Variants in ZNF470 observed in about 807,000 individuals in gnomAD.
ZNF470 encodes zinc finger protein 470, also known as chondrogenesis zinc finger protein 1.
In ZNF470, 13 loss-of-function variants were observed where a neutral mutation model predicts 13.9. The observed-to-expected ratio is 0.94, with a 90% CI of 0.61 to 1.49. The LOEUF (loss-of-function observed/expected upper bound fraction) is 1.49, where lower values mean the gene tolerates loss of function less well. ZNF470 is among the 40% of genes most tolerant of loss of function. The pLI is 0.00. For synonymous variants in ZNF470, 293 were observed against 282.9 expected (o/e 1.04, Z -0.36); for missense variants, 929 against 857.3 (o/e 1.08, Z -1.04).
At position 56,574,446 on chromosome 19, in the gene ZNF470, A is replaced by T. The variant is rs772972264; in HGVS notation, c.113A>T (p.Glu38Val). ...VAIDFSQDEW[E>V]WLNLAQRSLY... ...ATAGACTTTTCCCAAGATGAATGGG[A>T]GTGGCTGAATCTTGCTCAGAGAAGT... is the stretch of plus-strand genomic sequence containing the variant. The change falls in exon 4 of 6, where the codon GAG becomes GTG. Residue 38 changes from glutamate to valine, a missense_variant. Transcript: ENST00000330619. 1.2e-5 allele frequency: 19 copies of T among 1,613,764 alleles called. No homozygotes were observed. The highest frequency in any genetic ancestry group is 1.5e-5 in the Non-Finnish European group (18 of 1,179,810).
intron 1 of ZNF470, 70 bp from the exon 2 acceptor site, chr19:56,568,688 A>T (rs1409791761): frequency 1.3e-5 from 2 of 152,168 alleles, no homozygotes; most frequent in Non-Finnish European, 2.9e-5. Context: ...CAGTTCTAAG[A>T]CCTTTTGGGA....
intron 5 of ZNF470, among the ~76,000 whole-genome samples, chr19:56,575,282 AT>A (rs1182926882): frequency 6.6e-6 from 1 of 151,948 alleles, no homozygotes; most frequent in Non-Finnish European, 1.5e-5. Flanking sequence ...GTATTTATAT[AT>A]TTTAAGATCT....
At position 56,577,119 on chromosome 19, in the gene ZNF470, T is replaced by C; in HGVS notation, c.690T>C (p.Cys230=). The C allele has an allele frequency of 6.2e-7, 1 of 1,612,486 alleles. No homozygotes were observed. The highest frequency in any genetic ancestry group is 8.5e-7 in the Non-Finnish European group (1 of 1,179,626). Residue 230 remains cysteine (C), a synonymous_variant, in exon 6 of 6, where the codon TGT becomes TGC. Coordinates refer to ENST00000330619, the MANE Select transcript of ZNF470 (RefSeq NM_001001668.4). The part of the protein sequence containing the change: ...QDRGEKKLLK[C]NDCEKIFSKI... ...GTGGAGAAAAGAAACTTTTAAAATG[T>C]AATGACTGTGAGAAAATATTCAGCA...
In ZNF470 at chr19:56,578,787, T is replaced by G; in HGVS notation, c.*204T>G. On this transcript the variant is annotated 3_prime_UTR_variant, in exon 6 of 6. Transcript: ENST00000330619. ...ATACATAATTTATGTTATTTTCCCA[T>G]TTAAAACACTTGATTTGAAAAATAT... 1.6e-6 allele frequency: 2 copies of G among 1,235,056 alleles called. No individual in the cohort carries two copies. Among genetic ancestry groups the G allele is most frequent in the Non-Finnish European group, 2.0e-6 (2 of 985,166 alleles). The allele number at this position is 1,235,056 out of a possible 1,614,324, so 76.5% of individuals were successfully genotyped here.
chr19:56,569,327 G>A (rs1251473267), intron 2 of ZNF470, among the ~76,000 whole-genome samples: 1 of 152,150 alleles, frequency 6.6e-6, no homozygotes, highest in Non-Finnish European at 1.5e-5. Flanking sequence ...TTTTCATTTG[G>A]TTGTCTGCAA....
At position 56,579,985 on chromosome 19, in the gene ZNF470, A is replaced by T. The variant is rs1466530788; in HGVS notation, c.*1402A>T. Reference sequence around the variant, plus strand: ...CACACACTATTTTAGGTGCTGGGGGATACAGTAAGGTACAAGATGGACAAA... The same window carrying T: ...CACACACTATTTTAGGTGCTGGGGGTTACAGTAAGGTACAAGATGGACAAA... On this transcript the variant is annotated 3_prime_UTR_variant, in exon 6 of 6. Transcript: ENST00000330619. 4 of 317,746 alleles carry T rather than the reference A, an allele frequency of 1.3e-5. No homozygotes were observed. The highest frequency in any genetic ancestry group is 1.8e-5 in the Non-Finnish European group (4 of 220,224). The allele number at this position is 317,746 out of a possible 1,614,324, so 19.7% of individuals were successfully genotyped here.
chr19:56,577,296 T>C lies in ZNF470; in HGVS notation c.867T>C (p.Cys289=), dbSNP rs759569419. The C allele has an allele frequency of 6.2e-7, 1 of 1,613,698 alleles. No homozygotes were observed. The highest frequency in any genetic ancestry group is 8.5e-7 in the Non-Finnish European group (1 of 1,179,806). ...TGEKPFECTE[C]GKAFSQNAHL... ...AAAAACCTTTTGAATGTACTGAATG[T>C]GGGAAAGCCTTCAGCCAGAATGCTC... The change falls in exon 6 of 6, where the codon TGT becomes TGC. Residue 289 remains cysteine (C), a synonymous_variant. Coordinates refer to ENST00000330619, the MANE Select transcript of ZNF470 (RefSeq NM_001001668.4).
At chr19:56,572,371 A>AAAAAAAAAATAT (rs2044459428) in intron 3 of ZNF470, among the ~76,000 whole-genome samples, 1 of 17,238 alleles carries the variant, frequency 5.8e-5, no homozygotes, top group Non-Finnish European at 8.5e-5. Context: ...AAAAAAAAAA[A>AAAAAAAAAATAT]ATATATATAT....
Position 56,573,838 on chromosome 19 carries a change from C to G in ZNF470, c.61-556C>G. On this transcript the variant is annotated intron_variant, in intron 3 of 5. Transcript: ENST00000330619. ...AACAACTTTTCAAATGTGTTCTTCT[C>G]TCCTAATACAAATATACTTTTATTT... is the stretch of plus-strand genomic sequence containing the variant. 3 of 411,848 alleles carry G rather than the reference C, an allele frequency of 7.3e-6. No individual in the cohort carries two copies. In the South Asian group the frequency reaches 3.0e-4, roughly 42 times the overall value. 25.5% of individuals were successfully genotyped at this position (411,848 alleles called of 1,614,324 possible). A position where few individuals can be genotyped will look rare whatever the true frequency, so the allele number is the denominator to read the frequency against.
chr19:56,575,184 TA>T (rs961609295), intron 5 of ZNF470, among the ~76,000 whole-genome samples: 24 of 152,248 alleles, frequency 1.6e-4, no homozygotes, highest in African/African-American at 5.3e-4. Context: ...TGTTGTTTAT[TA>T]GGTCTGTTTT....
intron 3 of ZNF470, chr19:56,574,100 C>T (rs2044472689): frequency 2.7e-6 from 1 of 369,798 alleles, no homozygotes; most frequent in South Asian, 1.1e-4. Context: ...TTGATTATAT[C>T]CTGTTTTGAA....
intron 3 of ZNF470, among the ~76,000 whole-genome samples, chr19:56,572,608 A>G (rs2044463348): frequency 6.7e-6 from 1 of 150,086 alleles, no homozygotes; most frequent in African/African-American, 2.5e-5. Flanking sequence ...GTACCACCAG[A>G]CCATGGTGCG....
Position 56,582,178 on chromosome 19 carries a change from G to A in ZNF470, c.*3595G>A. The A allele has an allele frequency of 5.1e-6, 5 of 985,354 alleles. No homozygotes were observed. The highest frequency in any genetic ancestry group is 6.0e-6 in the Non-Finnish European group (5 of 829,916). 61.0% of individuals were successfully genotyped at this position (985,354 alleles called of 1,614,324 possible). ...CATGGTGTGCGATGAGCAAACGCCT[G>A]ATTATTCATTATAGTCACCTGGGAT... is the stretch of plus-strand genomic sequence containing the variant. On this transcript the variant is annotated 3_prime_UTR_variant, in exon 6 of 6. Transcript: ENST00000330619.
In ZNF470 at chr19:56,581,646, A is replaced by G. The variant is rs2044536765; in HGVS notation, c.*3063A>G. On this transcript the variant is annotated 3_prime_UTR_variant, in exon 6 of 6. Transcript: ENST00000330619. The stretch of plus-strand genomic sequence containing the variant: ...AAAAATTGCAGACCTGTATTGTAGT[A>G]TAGGCCCATAATTGTGATATCAAAA... 1.8e-5 allele frequency: 17 copies of G among 942,574 alleles called. No homozygotes were observed. The highest frequency in any genetic ancestry group is 2.0e-5 in the Non-Finnish European group (16 of 791,012). The allele number at this position is 942,574 out of a possible 1,614,324, so 58.4% of individuals were successfully genotyped here.
chr19:56,580,030 C>A lies in ZNF470; in HGVS notation c.*1447C>A. 1 of 511,220 alleles carries A rather than the reference C, an allele frequency of 2.0e-6. No homozygotes were observed. Among genetic ancestry groups the A allele is most frequent in the Non-Finnish European group, 2.5e-6 (1 of 397,426 alleles). 31.7% of individuals were successfully genotyped at this position (511,220 alleles called of 1,614,324 possible). A position where few individuals can be genotyped will look rare whatever the true frequency, so the allele number is the denominator to read the frequency against. On this transcript the variant is annotated 3_prime_UTR_variant, in exon 6 of 6. Coordinates refer to ENST00000330619, the MANE Select transcript of ZNF470 (RefSeq NM_001001668.4). Reference sequence around the variant, plus strand: ...GACAAAAATACGTGCTCTTACAGATCTAGTAGAACAGAAAAAATTAAATGC... The same window carrying A: ...GACAAAAATACGTGCTCTTACAGATATAGTAGAACAGAAAAAATTAAATGC...
At chr19:56,570,396 C>A in intron 3 of ZNF470, 25 bp downstream of exon 3, 11 of 1,610,996 alleles carry the variant, frequency 6.8e-6, no homozygotes, top group Non-Finnish European at 8.5e-6. Flanking sequence ...CCCCTCTCCC[C>A]ACTAAAATAG....
chr19:56,580,843 T>C lies in ZNF470; in HGVS notation c.*2260T>C. ...ATATATGATAAAAAGGATTTTTCAT[T>C]GTAGTGGGGAAAAGGTGGTTTGATC... On this transcript the variant is annotated 3_prime_UTR_variant, in exon 6 of 6. Transcript: ENST00000330619. 1 of 985,320 alleles carries C rather than the reference T, an allele frequency of 1.0e-6. No individual in the cohort carries two copies. The allele number at this position is 985,320 out of a possible 1,614,324, so 61.0% of individuals were successfully genotyped here.
At chr19:56,575,661 C>T (rs550859321) in intron 5 of ZNF470, among the ~76,000 whole-genome samples, 1 of 152,038 alleles carries the variant, frequency 6.6e-6, no homozygotes, top group Admixed American at 6.6e-5. Context: ...AAATTAGAGA[C>T]AGGATCTTGC....
chr19:56,577,794 C>G lies in ZNF470; in HGVS notation c.1365C>G (p.Cys455Trp), dbSNP rs201316896. 3.7e-5 allele frequency: 60 copies of G among 1,612,778 alleles called. No individual in the cohort carries two copies. Among genetic ancestry groups the G allele is most frequent in the Middle Eastern group, 3.3e-4 (2 of 6,042 alleles). ...ATACAGGAGAGAAACCTTATGAATG[C>G]AATATCTGTGAGAAAGCCTTCAGCC... ...RIHTGEKPYE[C>W]NICEKAFSHR... The change falls in exon 6 of 6, where the codon TGC (cysteine) becomes TGG (tryptophan). Residue 455 changes from cysteine (C) to tryptophan (W), a missense_variant. By Grantham distance (215) the Cys-to-Trp change is radical. Transcript: ENST00000330619.
Sources: gnomAD v4.1 joint callset for allele counts (sites outside exome capture counted in the v4.1 genomes callset) on GRCh38, gnomAD v4.1.1 for gene constraint, MANE v1.5 for transcripts, NCBI Gene and HGNC (gene_info 2026-07-23, HGNC 2026-07-21) for gene names.